Variants in FBXW11 observed in about 807,000 individuals in gnomAD.
FBXW11 encodes F-box and WD repeat domain containing 11.
In FBXW11, 19 loss-of-function variants were observed where a neutral mutation model predicts 77.6. The ratio of observed to expected loss-of-function variants is 0.24; its 90% CI spans 0.17 to 0.36. The LOEUF (loss-of-function observed/expected upper bound fraction) is 0.36, where lower values mean the gene tolerates loss of function less well. Among genes scored for constraint, FBXW11 ranks in the 10% least tolerant of loss-of-function variants. The pLI is 1.00. For synonymous variants in FBXW11, 235 were observed against 249.4 expected, an observed-to-expected ratio of 0.94 and a Z score of 0.54; for missense variants, 334 against 704.2, an observed-to-expected ratio of 0.47 and a Z score of 5.95.
At chr5:171,972,678 G>A (rs1764604289) in intron 1 of FBXW11, among the ~76,000 whole-genome samples, 2 of 151,748 alleles carry the variant, frequency 1.3e-5, no homozygotes, top group Admixed American at 6.6e-5. Context: ...CCAAGTAGCT[G>A]GGATTACAGG....
At chr5:171,875,532 T>C (rs948775783) in intron 9 of FBXW11, among the ~76,000 whole-genome samples, 5 of 152,208 alleles carry the variant, frequency 3.3e-5, no homozygotes, top group Admixed American at 6.5e-5. Context: ...GGTAATGTTA[T>C]AGAATGCTGC....
intron 13 of FBXW11, among the ~76,000 whole-genome samples, chr5:171,865,417 T>C (rs1012866074): frequency 1.3e-5 from 2 of 152,214 alleles, no homozygotes; most frequent in Non-Finnish European, 2.9e-5. Context: ...TTGTTTTTTA[T>C]AATCACTAAA....
intron 2 of FBXW11, among the ~76,000 whole-genome samples, chr5:171,938,491 T>C (rs557377226): frequency 2.6e-5 from 4 of 152,348 alleles, no homozygotes; most frequent in African/African-American, 9.6e-5. Context: ...ATATGTAGAA[T>C]TGATAACACA....
chr5:171,930,746 ATAAAAAATAAAAAAAT>A (rs1762134185), intron 2 of FBXW11, among the ~76,000 whole-genome samples: 1 of 103,480 alleles, frequency 9.7e-6, no homozygotes, highest in African/African-American at 3.6e-5. Flanking sequence ...AAAATAAAAA[ATAAAAAATAAAAAAAT>A]AAAAAAAAAA....
intron 1 of FBXW11, among the ~76,000 whole-genome samples, chr5:171,967,389 T>C (rs759512323): frequency 7.2e-5 from 11 of 152,160 alleles, no homozygotes; most frequent in Non-Finnish European, 1.3e-4. Context: ...TTCTGCTAAA[T>C]AGAAATCATG....
chr5:171,900,841 C>A (rs1229597294), intron 4 of FBXW11, among the ~76,000 whole-genome samples: 1 of 152,224 alleles, frequency 6.6e-6, no homozygotes, highest in South Asian at 2.1e-4. Context: ...CAACCTCCCA[C>A]GATACAAGGA....
At chr5:171,980,757 G>A (rs968287722) in intron 1 of FBXW11, among the ~76,000 whole-genome samples, 34 of 152,178 alleles carry the variant, frequency 2.2e-4, no homozygotes, top group African/African-American at 8.0e-4. Context: ...TTTGGGAAAA[G>A]ATCTGGCAGT....
chr5:171,927,367 G>C (rs1486817223), intron 2 of FBXW11, among the ~76,000 whole-genome samples: 1 of 152,168 alleles, frequency 6.6e-6, no homozygotes, highest in East Asian at 1.9e-4. Flanking sequence ...GCAACTTACA[G>C]AGCAAGAAAA....
intron 1 of FBXW11, among the ~76,000 whole-genome samples, chr5:171,961,969 A>G (rs907939502): frequency 2.0e-5 from 3 of 152,312 alleles, no homozygotes; most frequent in Middle Eastern, 3.4e-3. Flanking sequence ...TGAAGCTTCA[A>G]ATTTTTAATT....
intron 7 of FBXW11, among the ~76,000 whole-genome samples, chr5:171,887,562 A>AGAGGGGACAACAGGTAGATGTGGC (rs953327541): frequency 2.6e-5 from 4 of 152,204 alleles, no homozygotes; most frequent in African/African-American, 9.7e-5. Context: ...GTAAGGGGAA[A>AGAGGGGACAACAGGTAGATGTGGC]GAGGGGACAA....
intron 2 of FBXW11, among the ~76,000 whole-genome samples, chr5:171,929,268 G>A (rs1762040094): frequency 6.6e-6 from 1 of 151,868 alleles, no homozygotes; most frequent in Non-Finnish European, 1.5e-5. Context: ...CTACTCAGGA[G>A]CTGAGGCACA....
At chr5:171,946,809 T>A (rs1345830287) in intron 2 of FBXW11, among the ~76,000 whole-genome samples, 2 of 27,292 alleles carry the variant, frequency 7.3e-5, no homozygotes, top group Non-Finnish European at 1.3e-4. Flanking sequence ...ACTTTACTTT[T>A]TTTTTTTTTT....
intron 4 of FBXW11, among the ~76,000 whole-genome samples, chr5:171,909,943 T>A (rs1760775749): frequency 6.6e-6 from 1 of 152,204 alleles, no homozygotes; most frequent in African/African-American, 2.4e-5. Context: ...GAGTACCAGT[T>A]TTTTTAAAAT....
intron 2 of FBXW11, among the ~76,000 whole-genome samples, chr5:171,946,183 T>A (rs774694632): frequency 2.6e-5 from 4 of 152,214 alleles, no homozygotes; most frequent in Non-Finnish European, 5.9e-5. Context: ...TCCAGCCTAA[T>A]GGCCTGTCTC....
intron 7 of FBXW11, among the ~76,000 whole-genome samples, chr5:171,883,705 T>C (rs578023491): frequency 6.6e-5 from 10 of 152,348 alleles, no homozygotes; most frequent in Admixed American, 3.9e-4. Context: ...AATGTGGTTT[T>C]GATTTGCATT....
chr5:171,896,018 T>C (rs1236578091), intron 6 of FBXW11, among the ~76,000 whole-genome samples: 1 of 152,180 alleles, frequency 6.6e-6, no homozygotes, highest in African/African-American at 2.4e-5. Context: ...CCAGACTCCA[T>C]TTCTCACATC....
chr5:171,915,180 A>G (rs1013231030), intron 2 of FBXW11, among the ~76,000 whole-genome samples: 1 of 152,226 alleles, frequency 6.6e-6, no homozygotes, highest in Non-Finnish European at 1.5e-5. Context: ...TGTGCTCTGA[A>G]AAGAGTAACA....
intron 4 of FBXW11, among the ~76,000 whole-genome samples, chr5:171,905,970 GC>G (rs1463597446): frequency 6.6e-6 from 1 of 152,106 alleles, no homozygotes; most frequent in Non-Finnish European, 1.5e-5. Context: ...CTGAAGACAT[GC>G]TGCTGTTGTT....
intron 6 of FBXW11, among the ~76,000 whole-genome samples, chr5:171,894,388 T>C (rs1759595266): frequency 6.6e-6 from 1 of 152,246 alleles, no homozygotes; most frequent in Admixed American, 6.5e-5. Context: ...TTAAAAGAAA[T>C]AGTTTGTCAA....
Sources: gnomAD v4.1 joint callset for allele counts (sites outside exome capture counted in the v4.1 genomes callset) on GRCh38, gnomAD v4.1.1 for gene constraint, MANE v1.5 for transcripts, NCBI Gene and HGNC (gene_info 2026-07-23, HGNC 2026-07-21) for gene names.